The following ATXN1 variants were observed in gnomAD, a reference collection of about 807,000 sequenced individuals.
The protein encoded by ATXN1 is ataxin 1, also known as ataxin-1.
ATXN1 carries 8 observed loss-of-function variants against 56.4 expected under a neutral mutation model. The observed-to-expected ratio is 0.14, with a 90% CI of 0.08 to 0.26. The LOEUF (loss-of-function observed/expected upper bound fraction) is 0.26, where lower values mean the gene tolerates loss of function less well. Among genes scored for constraint, ATXN1 ranks in the 10% least tolerant of loss-of-function variants. The pLI, the probability that ATXN1 is intolerant of heterozygous loss-of-function variation, is 1.00. For synonymous variants in ATXN1, 514 were observed against 494.6 expected, an observed-to-expected ratio of 1.04 and a Z score of -0.52; for missense variants, 987 against 1,106.5, an observed-to-expected ratio of 0.89 and a Z score of 1.53.
At chr6:16,698,341 T>C (rs948663867) in intron 2 of ATXN1, among the ~76,000 whole-genome samples, 3 of 152,176 alleles carry the variant, frequency 2.0e-5, no homozygotes, top group African/African-American at 4.8e-5. Context: ...AACCACTCCC[T>C]GCCCCTCCCA....
At chr6:16,743,304 T>C (rs527382836) in intron 2 of ATXN1, among the ~76,000 whole-genome samples, 1 of 152,358 alleles carries the variant, frequency 6.6e-6, no homozygotes, top group East Asian at 1.9e-4. Context: ...CATTGGACCT[T>C]TCTTTCTCCT....
intron 3 of ATXN1, among the ~76,000 whole-genome samples, chr6:16,626,764 A>C (rs1161501358): frequency 1.3e-5 from 2 of 152,138 alleles, no homozygotes; most frequent in Non-Finnish European, 2.9e-5. Context: ...AGGTAATTAA[A>C]ACAAAATAAG....
chr6:16,426,622 A>T (rs13208159), intron 6 of ATXN1, among the ~76,000 whole-genome samples: 98,320 of 147,856 alleles, frequency 0.66, 32,982 homozygotes, highest in African/African-American at 0.78. Flanking sequence ...TGTGTGTGTG[A>T]GAGAGAGAGA....
At chr6:16,330,840 G>T (rs1422547983) in intron 6 of ATXN1, among the ~76,000 whole-genome samples, 2 of 152,036 alleles carry the variant, frequency 1.3e-5, no homozygotes, top group African/African-American at 4.8e-5. Flanking sequence ...TTGGTGTCTC[G>T]ATATCAAAGG....
intron 5 of ATXN1, among the ~76,000 whole-genome samples, chr6:16,521,582 T>C (rs181405227): frequency 4.6e-5 from 7 of 152,194 alleles, no homozygotes; most frequent in Non-Finnish European, 1.0e-4. Flanking sequence ...ACAAATAAAA[T>C]AAAAGAATAA....
chr6:16,677,285 G>A (rs563346430), intron 2 of ATXN1, among the ~76,000 whole-genome samples: 59 of 152,084 alleles, frequency 3.9e-4, no homozygotes, highest in Non-Finnish European at 7.5e-4. Context: ...TGGGAGAGGG[G>A]AGTCTTCTAT....
At chr6:16,499,210 G>A (rs1023924141) in intron 5 of ATXN1, among the ~76,000 whole-genome samples, 2 of 152,054 alleles carry the variant, frequency 1.3e-5, no homozygotes, top group African/African-American at 4.8e-5. Context: ...TTCTTTCTCT[G>A]GCATGTGTCC....
chr6:16,635,601 G>A (rs1763581691), intron 3 of ATXN1, among the ~76,000 whole-genome samples: 1 of 152,206 alleles, frequency 6.6e-6, no homozygotes, highest in African/African-American at 2.4e-5. Context: ...AACCTACACT[G>A]CTGCTGCCGC....
intron 6 of ATXN1, among the ~76,000 whole-genome samples, chr6:16,382,037 CCAAAA>C (rs1308543108): frequency 6.6e-6 from 1 of 152,096 alleles, no homozygotes; most frequent in African/African-American, 2.4e-5. Context: ...GTAATTCTAC[CCAAAA>C]CAAATTAATA....
At chr6:16,468,225 G>A (rs1482686029) in intron 6 of ATXN1, among the ~76,000 whole-genome samples, 1 of 151,954 alleles carries the variant, frequency 6.6e-6, no homozygotes, top group African/African-American at 2.4e-5. Context: ...TCACTCTGTC[G>A]CCCAGGCTGG....
At chr6:16,619,043 C>G (rs1244066269) in intron 3 of ATXN1, among the ~76,000 whole-genome samples, 2 of 151,746 alleles carry the variant, frequency 1.3e-5, no homozygotes, top group Non-Finnish European at 1.5e-5. Context: ...AATATCCACC[C>G]TCACTTGAAA....
intron 2 of ATXN1, among the ~76,000 whole-genome samples, chr6:16,676,484 C>G (rs1226963548): frequency 6.6e-6 from 1 of 152,170 alleles, no homozygotes; most frequent in Non-Finnish European, 1.5e-5. Context: ...GACATTGAAA[C>G]ATCTTACTTC....
intron 6 of ATXN1, among the ~76,000 whole-genome samples, chr6:16,482,753 C>A (rs547151049): frequency 6.6e-6 from 1 of 152,252 alleles, no homozygotes; most frequent in Admixed American, 6.5e-5. Context: ...CCAGGAGGGT[C>A]TTGTGGAAAG....
chr6:16,549,880 G>A (rs1477960750), intron 4 of ATXN1, among the ~76,000 whole-genome samples: 1 of 121,512 alleles, frequency 8.2e-6, no homozygotes, highest in African/African-American at 3.3e-5. Context: ...TGGGCAACAA[G>A]AGCGAAACTC....
chr6:16,723,593 G>A (rs1490248916), intron 2 of ATXN1, among the ~76,000 whole-genome samples: 2 of 151,986 alleles, frequency 1.3e-5, no homozygotes, highest in East Asian at 3.9e-4. Flanking sequence ...AGCTTTTCTG[G>A]ACAAATTCCC....
chr6:16,546,479 CCCTT>C (rs1176676575), intron 4 of ATXN1, among the ~76,000 whole-genome samples: 1 of 152,166 alleles, frequency 6.6e-6, no homozygotes, highest in African/African-American at 2.4e-5. Flanking sequence ...ACTTACCACT[CCCTT>C]CAGACGTTTT....
At chr6:16,460,397 C>T (rs141599542) in intron 6 of ATXN1, among the ~76,000 whole-genome samples, 6 of 152,248 alleles carry the variant, frequency 3.9e-5, no homozygotes, top group South Asian at 2.1e-4. Context: ...TCACTGTTTA[C>T]GGGTAGTTGT....
chr6:16,551,601 G>A (rs894202656), intron 4 of ATXN1, among the ~76,000 whole-genome samples: 2 of 152,126 alleles, frequency 1.3e-5, no homozygotes, highest in African/African-American at 4.8e-5. Flanking sequence ...TAAAATCTGA[G>A]GGACTTCTGA....
intron 4 of ATXN1, among the ~76,000 whole-genome samples, chr6:16,533,375 C>T (rs374684232): frequency 6.6e-6 from 1 of 152,228 alleles, no homozygotes; most frequent in African/African-American, 2.4e-5. Context: ...ACTGTGACCT[C>T]GTTTGAGTGT....
Sources: gnomAD v4.1 joint callset for allele counts (sites outside exome capture counted in the v4.1 genomes callset) on GRCh38, gnomAD v4.1.1 for gene constraint, MANE v1.5 for transcripts, NCBI Gene and HGNC (gene_info 2026-07-23, HGNC 2026-07-21) for gene names.